DEUP1: variants seen among roughly 807,000 people sequenced by gnomAD.
The protein encoded by DEUP1 is deuterosome assembly protein 1.
DEUP1 carries 82 observed loss-of-function variants against 87.4 expected under a neutral mutation model. The ratio of observed to expected loss-of-function variants is 0.94; its 90% CI spans 0.78 to 1.13. DEUP1 has a LOEUF of 1.13. Among genes scored for constraint, DEUP1 ranks in the 50% most tolerant of loss-of-function variants. The pLI is 0.00. For synonymous variants in DEUP1, 214 were observed against 222.7 expected (o/e 0.96, Z 0.35); for missense variants, 663 against 681.5 (o/e 0.97, Z 0.30).
chr11:93,414,113 G>A (rs1369340158), intron 12 of DEUP1, among the ~76,000 whole-genome samples: 1 of 152,126 alleles, frequency 6.6e-6, no homozygotes. Flanking sequence ...GAGAGATAAA[G>A]TTACCTGCTC....
upstream of DEUP1, chr11:93,330,475 G>C (rs1486567297): frequency 2.0e-5 from 3 of 152,802 alleles, no homozygotes; most frequent in East Asian, 5.8e-4. Flanking sequence ...CGCGGGGTGA[G>C]GTTGGAGGCA....
At chr11:93,361,913 C>G (rs912860467) in intron 4 of DEUP1, among the ~76,000 whole-genome samples, 1 of 151,852 alleles carries the variant, frequency 6.6e-6, no homozygotes, top group African/African-American at 2.4e-5. Context: ...GAGAAATATA[C>G]CATGCAAATA....
At chr11:93,398,289 A>C (rs1038620454) in intron 11 of DEUP1, among the ~76,000 whole-genome samples, 1 of 152,070 alleles carries the variant, frequency 6.6e-6, no homozygotes, top group Non-Finnish European at 1.5e-5. Flanking sequence ...TGTGTATCAA[A>C]ATTTATTAAA....
rs749761199 is a variant in DEUP1 at position 93,437,619 on chromosome 11, A to C, written c.1715A>C (p.Glu572Ala). ...FLLEEEKRAKELEKLLNTHID... is the reference protein window; with the variant it reads ...FLLEEEKRAKALEKLLNTHID... Reference sequence around the variant, plus strand: ...CTGGAAGAAGAGAAACGAGCAAAAGAACTTGAAAAACTTCTAAATACACAT... The same window carrying C: ...CTGGAAGAAGAGAAACGAGCAAAAGCACTTGAAAAACTTCTAAATACACAT... Residue 572 changes from glutamate to alanine, a missense_variant, in exon 14 of 14, where the codon GAA (glutamate) becomes GCA (alanine). Glu to Ala is a moderately radical substitution (Grantham distance 107, BLOSUM62 -1). Coordinates refer to ENST00000298050, the MANE Select transcript of DEUP1 (RefSeq NM_181645.4). 2 of 1,612,516 alleles carry C rather than the reference A, an allele frequency of 1.2e-6. No homozygotes were observed. Among genetic ancestry groups the C allele is most frequent in the South Asian group, 2.2e-5 (2 of 91,048 alleles).
At chr11:93,408,841 T>G (rs1460378596) in intron 12 of DEUP1, among the ~76,000 whole-genome samples, 2 of 152,066 alleles carry the variant, frequency 1.3e-5, no homozygotes, top group Non-Finnish European at 2.9e-5. Context: ...TTTTGTTGTT[T>G]TTGTTTTTTG....
chr11:93,364,243 C>A lies in DEUP1; in HGVS notation c.381C>A (p.His127Gln), dbSNP rs899205390. ...QNKVPRKELP[H>Q]LKEEIPFELS... Reference sequence around the variant, plus strand: ...AAGTTCCACGAAAAGAATTACCACACCTTAAAGAAGAAATACCCTTTGAAC... The same window carrying A: ...AAGTTCCACGAAAAGAATTACCACAACTTAAAGAAGAAATACCCTTTGAAC... Residue 127 changes from histidine (H) to glutamine (Q), a missense_variant, in exon 5 of 14, where the codon CAC becomes CAA. Transcript: ENST00000298050. The A allele has an allele frequency of 3.1e-6, 5 of 1,609,488 alleles. No homozygotes were observed. Among genetic ancestry groups the A allele is most frequent in the East Asian group, 2.2e-5 (1 of 44,722 alleles).
At chr11:93,409,533 T>C (rs1947376318) in intron 12 of DEUP1, among the ~76,000 whole-genome samples, 1 of 152,198 alleles carries the variant, frequency 6.6e-6, no homozygotes, top group Non-Finnish European at 1.5e-5. Flanking sequence ...GGATATTGTA[T>C]GCAGCACTCC....
Position 93,436,963 on chromosome 11 carries a change from G to T in DEUP1, c.1639-580G>T, listed in dbSNP as rs10831046. On this transcript the variant is annotated intron_variant, in intron 13 of 13. Transcript: ENST00000298050. ...GCATTTTCATGTCACCATGAAGGGT[G>T]GAATTGGGGCACTTGTCCCTGATAC... Among the ~76,000 whole-genome samples the T allele has an allele frequency of 7.8e-4, 119 of 151,924 alleles. 2 individuals are homozygous for T. The highest frequency in any genetic ancestry group is 1.3e-3 in the Admixed American group (20 of 15,280).
In DEUP1 at chr11:93,364,365, C is replaced by G. The variant is rs992725695; in HGVS notation, c.432+71C>G. 3.0e-6 allele frequency: 4 copies of G among 1,334,454 alleles called. No homozygotes were observed. In the African/African-American group the frequency reaches 4.4e-5, roughly 15 times the overall value. The allele number at this position is 1,334,454 out of a possible 1,614,324, so 82.7% of individuals were successfully genotyped here. A position where few individuals can be genotyped will look rare whatever the true frequency, so the allele number is the denominator to read the frequency against. On this transcript the variant is annotated intron_variant, in intron 5 of 13. Transcript: ENST00000298050. The stretch of plus-strand genomic sequence containing the variant: ...TCCTATTGTTGTGGGCTATTTGTCT[C>G]TAGTGTCCACAATGGTGTCTTCAGT...
chr11:93,438,188 T>C lies in DEUP1; in HGVS notation c.*469T>C, dbSNP rs933434955. 1.3e-5 allele frequency: 2 copies of C among 152,484 alleles called. No individual in the cohort carries two copies. Among genetic ancestry groups the C allele is most frequent in the Non-Finnish European group, 2.9e-5 (2 of 68,284 alleles). The allele number at this position is 152,484 out of a possible 1,614,324, so 9.4% of individuals were successfully genotyped here. On this transcript the variant is annotated 3_prime_UTR_variant, in exon 14 of 14. Coordinates refer to ENST00000298050, the MANE Select transcript of DEUP1 (RefSeq NM_181645.4). Reference sequence around the variant, plus strand: ...AAAAATATTTAAGTATTTCCAGTTATGTAAACACTCTAAAATTCTATAATT... The same window carrying C: ...AAAAATATTTAAGTATTTCCAGTTACGTAAACACTCTAAAATTCTATAATT...
chr11:93,378,876 G>C (rs944759464), intron 7 of DEUP1, among the ~76,000 whole-genome samples: 3 of 152,114 alleles, frequency 2.0e-5, no homozygotes, highest in Non-Finnish European at 2.9e-5. Flanking sequence ...TGTCTCTCCA[G>C]ACACTGCTAT....
intron 11 of DEUP1, among the ~76,000 whole-genome samples, chr11:93,406,911 T>C (rs1947297283): frequency 6.6e-6 from 1 of 152,032 alleles, no homozygotes; most frequent in Non-Finnish European, 1.5e-5. Context: ...TATATTCTAC[T>C]TCACTAATAG....
At chr11:93,408,151 C>A (rs1264965307) in intron 11 of DEUP1, 80 bp from the exon 12 acceptor site, 7 of 1,041,882 alleles carry the variant, frequency 6.7e-6, no homozygotes, top group Non-Finnish European at 8.0e-6. Context: ...GCCTTTCCAG[C>A]ACAAGTCTCC....
intron 2 of DEUP1, among the ~76,000 whole-genome samples, chr11:93,336,706 C>T (rs570834031): frequency 7.2e-5 from 11 of 152,274 alleles, no homozygotes; most frequent in South Asian, 4.1e-4. Context: ...TTAGCTTCTC[C>T]AGAGAATATG....
At chr11:93,349,188 G>A (rs1343108583) in intron 2 of DEUP1, among the ~76,000 whole-genome samples, 2 of 152,082 alleles carry the variant, frequency 1.3e-5, no homozygotes, top group Non-Finnish European at 2.9e-5. Context: ...CTTACACAGT[G>A]CTTAATGAAT....
chr11:93,436,675 C>T (rs11020358), intron 13 of DEUP1, among the ~76,000 whole-genome samples: 52,937 of 151,926 alleles, frequency 0.35, 9,897 homozygotes, highest in African/African-American at 0.48. Flanking sequence ...ACAAGGTTCA[C>T]ATGTATACAG....
intron 9 of DEUP1, among the ~76,000 whole-genome samples, chr11:93,390,883 ACCAGCC>A (rs1206354961): frequency 1.3e-5 from 2 of 152,182 alleles, no homozygotes; most frequent in African/African-American, 4.8e-5. Flanking sequence ...GGAGTTTGAG[ACCAGCC>A]TGACCAACAT....
At position 93,397,414 on chromosome 11, in the gene DEUP1, T is replaced by G. The variant is rs544905543; in HGVS notation, c.1326+1089T>G. On this transcript the variant is annotated intron_variant, in intron 11 of 13. Coordinates refer to ENST00000298050, the MANE Select transcript of DEUP1 (RefSeq NM_181645.4). The stretch of plus-strand genomic sequence containing the variant: ...AAACTGTGTGTCATCTATGACATTT[T>G]TATTTCTAAATGCTGAACACACAAA... 2.6e-5 allele frequency among the ~76,000 whole-genome samples: 4 copies of G among 152,346 alleles called. No individual in the cohort carries two copies. The South Asian group carries it at 8.3e-4, about 32-fold the overall frequency.
At chr11:93,405,982 A>G (rs1029411853) in intron 11 of DEUP1, among the ~76,000 whole-genome samples, 7 of 152,016 alleles carry the variant, frequency 4.6e-5, no homozygotes, top group African/African-American at 1.7e-4. Flanking sequence ...CAACTCACGT[A>G]TATTCGAATC....
Sources: allele counts gnomAD v4.1 joint callset (sites outside exome capture counted in the v4.1 genomes callset), GRCh38; gene constraint gnomAD v4.1.1; transcripts MANE v1.5; gene names NCBI Gene and HGNC (gene_info 2026-07-23, HGNC 2026-07-21).